Variants in SERP2 observed in about 807,000 individuals in gnomAD.
The protein encoded by SERP2 is stress-associated endoplasmic reticulum protein 2.
SERP2 carries 6 observed loss-of-function variants against 9.1 expected under a neutral mutation model. That is an observed-to-expected ratio of 0.66 (90% CI 0.36 to 1.30). The LOEUF is 1.30. Among genes scored for constraint, SERP2 ranks in the 50% most tolerant of loss-of-function variants. The probability of loss-of-function intolerance (pLI) is 0.03; values close to 1 mark genes in which losing one functional copy is unlikely to be tolerated. For synonymous variants in SERP2, 37 were observed against 27.3 expected, an observed-to-expected ratio of 1.35 and a Z score of -1.10; for missense variants, 58 against 81.9, an observed-to-expected ratio of 0.71 and a Z score of 1.13.
At chr13:44,390,445 C>T (rs554531115) in intron 2 of SERP2, 12 of 456,632 alleles carry the variant, frequency 2.6e-5, no homozygotes, top group Middle Eastern at 3.3e-4. Context: ...CCCCCAAGAC[C>T]GGCAACTGAG....
At chr13:44,374,742 C>A (rs1353052491) in intron 1 of SERP2, among the ~76,000 whole-genome samples, 1 of 152,092 alleles carries the variant, frequency 6.6e-6, no homozygotes, top group Non-Finnish European at 1.5e-5. Context: ...GAGATTTGGA[C>A]CCACATTCCC....
chr13:44,374,154 C>T (rs749181723), intron 1 of SERP2, 45 bp downstream of exon 1: 3 of 152,230 alleles, frequency 2.0e-5, no homozygotes, highest in Non-Finnish European at 3.4e-5. Context: ...TGCAGCCCGG[C>T]GGGGTGGGGC....
chr13:44,383,830 C>T (rs1022208945), intron 2 of SERP2, among the ~76,000 whole-genome samples: 5 of 151,776 alleles, frequency 3.3e-5, no homozygotes, highest in African/African-American at 4.8e-5. Flanking sequence ...GGATTACAGG[C>T]ATGAGCCAAT....
chr13:44,384,831 T>C (rs1872222253), intron 2 of SERP2, among the ~76,000 whole-genome samples: 1 of 152,236 alleles, frequency 6.6e-6, no homozygotes, highest in South Asian at 2.1e-4. Flanking sequence ...CTTCTAATAT[T>C]AATAAAGATG....
At chr13:44,387,514 C>T (rs1231121074) in intron 2 of SERP2, among the ~76,000 whole-genome samples, 1 of 152,208 alleles carries the variant, frequency 6.6e-6, no homozygotes, top group Non-Finnish European at 1.5e-5. Flanking sequence ...GACCAGAATG[C>T]CTCCTGGACT....
chr13:44,384,298 A>G (rs969045795), intron 2 of SERP2, among the ~76,000 whole-genome samples: 4 of 152,170 alleles, frequency 2.6e-5, no homozygotes, highest in Non-Finnish European at 5.9e-5. Flanking sequence ...TATTCCCTCT[A>G]GAGTTTATCC....
intron 2 of SERP2, among the ~76,000 whole-genome samples, chr13:44,381,989 AGGATGGATGGATGGATGGATGGAT>A (rs57960396): frequency 6.8e-6 from 1 of 147,592 alleles, no homozygotes; most frequent in African/African-American, 2.5e-5. Context: ...GTTAGTGCTT[AGGATGGATGGATGGATGGATGGAT>A]GGATGGATGG....
At chr13:44,383,726 T>G (rs1475923091) in intron 2 of SERP2, among the ~76,000 whole-genome samples, 2 of 151,302 alleles carry the variant, frequency 1.3e-5, no homozygotes, top group Non-Finnish European at 3.0e-5. Flanking sequence ...TTTTTTTTTT[T>G]TTTTTTAGTA....
At chr13:44,374,587 A>G (rs1486589814) in intron 1 of SERP2, among the ~76,000 whole-genome samples, 3 of 152,180 alleles carry the variant, frequency 2.0e-5, no homozygotes, top group South Asian at 2.1e-4. Context: ...GAATGAATCA[A>G]TGGCTAAATG....
At chr13:44,384,940 CT>C (rs1375227410) in intron 2 of SERP2, among the ~76,000 whole-genome samples, 2 of 152,216 alleles carry the variant, frequency 1.3e-5, no homozygotes, top group Non-Finnish European at 2.9e-5. Flanking sequence ...GCAAAGTGCT[CT>C]TTTTAGAAAT....
chr13:44,396,909 G>A (rs1004544481), intron 2 of SERP2, among the ~76,000 whole-genome samples: 4 of 152,196 alleles, frequency 2.6e-5, no homozygotes, highest in Non-Finnish European at 4.4e-5. Context: ...TCACTGACCT[G>A]TTTAATGAGT....
At chr13:44,390,485 G>C in intron 2 of SERP2, 1 of 455,968 alleles carries the variant, frequency 2.2e-6, no homozygotes, top group Non-Finnish European at 4.4e-6. Flanking sequence ...GGCCCTGAAG[G>C]AAAGACTGAG....
chr13:44,379,542 C>A, intron 1 of SERP2, 99 bp from the exon 2 acceptor site: 1 of 785,626 alleles, frequency 1.3e-6, no homozygotes, highest in Non-Finnish European at 2.1e-6. Context: ...GTCTCATTCG[C>A]AGTAGAATCC....
chr13:44,373,961 C>T lies in SERP2; in HGVS notation c.-65C>T. Reference sequence around the variant, plus strand: ...GGGGGCCTCGGCGGGACGCGCTCGGCCCTGTCGCAGGAGCTAACGCAGGGG... The same window carrying T: ...GGGGGCCTCGGCGGGACGCGCTCGGTCCTGTCGCAGGAGCTAACGCAGGGG... On this transcript the variant is annotated 5_prime_UTR_variant, in exon 1 of 3. Coordinates refer to ENST00000379179, the MANE Select transcript of SERP2 (RefSeq NM_001010897.3). The surrounding 1 kb of genome is among the most constrained non-coding windows in gnomAD (Gnocchi z 4.8). The T allele has an allele frequency of 6.9e-7, 1 of 1,448,086 alleles. No individual in the cohort carries two copies. The highest frequency in any genetic ancestry group is 9.4e-7 in the Non-Finnish European group (1 of 1,062,304). The allele number at this position is 1,448,086 out of a possible 1,614,324, so 89.7% of individuals were successfully genotyped here. A position where few individuals can be genotyped will look rare whatever the true frequency, so the allele number is the denominator to read the frequency against.
intron 2 of SERP2, among the ~76,000 whole-genome samples, chr13:44,386,305 G>C (rs1872312607): frequency 6.6e-6 from 1 of 152,220 alleles, no homozygotes; most frequent in African/African-American, 2.4e-5. Context: ...TTTGGGAATA[G>C]TATATTCTTC....
At chr13:44,388,808 G>A (rs1872473868) in intron 2 of SERP2, among the ~76,000 whole-genome samples, 1 of 152,166 alleles carries the variant, frequency 6.6e-6, no homozygotes, top group Non-Finnish European at 1.5e-5. Context: ...CCAGCCTTGT[G>A]TTTTGGATGG....
At chr13:44,381,734 T>A (rs1488695741) in intron 2 of SERP2, among the ~76,000 whole-genome samples, 1 of 152,206 alleles carries the variant, frequency 6.6e-6, no homozygotes, top group Non-Finnish European at 1.5e-5. Context: ...GCCAGCCAGA[T>A]GCCACCCAGC....
At chr13:44,375,350 G>A (rs77655352) in intron 1 of SERP2, among the ~76,000 whole-genome samples, 1,618 of 152,042 alleles carry the variant, frequency 0.011, 19 homozygotes, top group African/African-American at 0.037. Flanking sequence ...ACAAGTCTAA[G>A]CATAACTCAA....
intron 2 of SERP2, among the ~76,000 whole-genome samples, chr13:44,392,776 G>C (rs1442795926): frequency 2.6e-5 from 4 of 152,138 alleles, no homozygotes; most frequent in African/African-American, 9.7e-5. Context: ...GTGTGCTGGA[G>C]CTCAGAGAAG....
Sources: gnomAD v4.1 joint callset for allele counts (sites outside exome capture counted in the v4.1 genomes callset) on GRCh38, gnomAD v4.1.1 for gene constraint, Gnocchi (gnomAD v3.1) non-coding constraint, MANE v1.5 for transcripts, NCBI Gene and HGNC (gene_info 2026-07-23, HGNC 2026-07-21) for gene names.